Variants in CA8 observed in about 807,000 individuals in gnomAD.
CA8 encodes carbonic anhydrase 8 (inactive), also known as carbonic anhydrase-related protein.
Under a neutral mutation model 41.4 loss-of-function variants are expected in CA8, and 22 were observed. That is an observed-to-expected ratio of 0.53 (90% CI 0.38 to 0.76). The LOEUF (loss-of-function observed/expected upper bound fraction) is 0.76, where lower values mean the gene tolerates loss of function less well. Among genes scored for constraint, CA8 ranks in the 30% least tolerant of loss-of-function variants. The pLI, the probability that CA8 is intolerant of heterozygous loss-of-function variation, is 0.00. For missense variants in CA8, 270 were observed against 352.8 expected, an observed-to-expected ratio of 0.77 and a Z score of 1.88; for synonymous variants, 121 against 130.6, an observed-to-expected ratio of 0.93 and a Z score of 0.50.
At chr8:60,191,133 G>C (rs77690874) in intron 8 of CA8, among the ~76,000 whole-genome samples, 1,933 of 151,586 alleles carry the variant, frequency 0.013, 35 homozygotes, top group African/African-American at 0.044. Context: ...AAATATGATA[G>C]TCACAATAAA....
intron 3 of CA8, among the ~76,000 whole-genome samples, chr8:60,244,604 C>T (rs1011045003): frequency 1.3e-5 from 2 of 151,924 alleles, no homozygotes; most frequent in African/African-American, 2.4e-5. Context: ...TTCATTTGCC[C>T]GCGAAATACC....
intron 7 of CA8, among the ~76,000 whole-genome samples, chr8:60,220,510 T>C (rs1364939180): frequency 6.6e-6 from 1 of 152,142 alleles, no homozygotes; most frequent in Non-Finnish European, 1.5e-5. Context: ...TTGGCAGCAC[T>C]CGTCCACAGC....
chr8:60,281,039 G>A lies in CA8; in HGVS notation c.100+9C>T. 6.2e-7 allele frequency: 1 copy of A among 1,602,476 alleles called. No homozygotes were observed. Among genetic ancestry groups the A allele is most frequent in the Non-Finnish European group, 8.5e-7 (1 of 1,172,162 alleles). Reference sequence around the variant, plus strand: ...GGGACCCCGGACACCCCGACTCGCGGCCACTTACCTTCCTCGTAGCCCCAC... The same window carrying A: ...GGGACCCCGGACACCCCGACTCGCGACCACTTACCTTCCTCGTAGCCCCAC... On this transcript the variant is annotated intron_variant, in intron 1 of 8. Transcript: ENST00000317995.
intron 7 of CA8, among the ~76,000 whole-genome samples, chr8:60,221,609 G>A (rs931676738): frequency 6.6e-6 from 1 of 152,152 alleles, no homozygotes; most frequent in African/African-American, 2.4e-5. Flanking sequence ...AGAACAAATA[G>A]ATGAATGACT....
intron 7 of CA8, among the ~76,000 whole-genome samples, chr8:60,217,231 T>C (rs1807052500): frequency 6.6e-6 from 1 of 152,210 alleles, no homozygotes; most frequent in Non-Finnish European, 1.5e-5. Context: ...TTTAGGAAAT[T>C]ACCCTCGATA....
chr8:60,233,417 G>A (rs1381398361), intron 3 of CA8, among the ~76,000 whole-genome samples: 4 of 152,132 alleles, frequency 2.6e-5, no homozygotes, highest in East Asian at 1.9e-4. Flanking sequence ...ACCACTAGGG[G>A]GAGCTAATGA....
intron 8 of CA8, among the ~76,000 whole-genome samples, chr8:60,204,805 A>T (rs1806530466): frequency 6.6e-6 from 1 of 152,210 alleles, no homozygotes; most frequent in Non-Finnish European, 1.5e-5. Context: ...GACTGAAAAT[A>T]TGGCTTTGAG....
intron 7 of CA8, among the ~76,000 whole-genome samples, chr8:60,213,944 G>C (rs1230342931): frequency 6.6e-6 from 1 of 152,128 alleles, no homozygotes; most frequent in Non-Finnish European, 1.5e-5. Flanking sequence ...ATATGAAACA[G>C]TGGTTCTCAA....
intron 3 of CA8, chr8:60,265,139 G>A (rs936918785): frequency 2.0e-5 from 3 of 152,164 alleles, no homozygotes; most frequent in African/African-American, 4.8e-5. Context: ...TTTCACCAGT[G>A]TGAACTGTCT....
chr8:60,222,041 C>T (rs1037573140), intron 7 of CA8, among the ~76,000 whole-genome samples: 3 of 152,174 alleles, frequency 2.0e-5, no homozygotes, highest in Admixed American at 2.0e-4. Context: ...ATATTAAAAT[C>T]ATGGCTTAAA....
intron 3 of CA8, among the ~76,000 whole-genome samples, chr8:60,246,281 T>TGGG (rs34495632): frequency 1.3e-5 from 2 of 151,724 alleles, no homozygotes; most frequent in African/African-American, 4.8e-5. Context: ...AATGCATTTC[T>TGGG]GGGGGGGGTT....
At chr8:60,222,561 G>C (rs1807288748) in intron 7 of CA8, 88 bp downstream of exon 7, 1 of 832,368 alleles carries the variant, frequency 1.2e-6, no homozygotes, top group African/African-American at 1.7e-5. Context: ...TCTACAGGAA[G>C]CTAAAACACA....
chr8:60,190,944 A>AC (rs1806105094), intron 8 of CA8, among the ~76,000 whole-genome samples: 1 of 127,852 alleles, frequency 7.8e-6, no homozygotes, highest in African/African-American at 3.0e-5. Context: ...CACACTATAT[A>AC]TATATATATA....
chr8:60,220,355 G>A (rs1400467676), intron 7 of CA8, among the ~76,000 whole-genome samples: 1 of 152,102 alleles, frequency 6.6e-6, no homozygotes, highest in African/African-American at 2.4e-5. Flanking sequence ...CAAGCAGTGA[G>A]CATACCTAGC....
rs753863956 is a variant in CA8, at chr8:60,205,854, GAAC to G, written c.*35+2893_*35+2895del. ...TGAATTATTTTAAACATTTTTTAGA[GAAC>G]AACTACCAGAGAAATGTCTTTTCCT... On this transcript the variant is annotated intron_variant, in intron 8 of 8. Coordinates refer to ENST00000317995, the MANE Select transcript of CA8 (RefSeq NM_004056.6). 7.9e-5 allele frequency among the ~76,000 whole-genome samples: 12 copies of G among 152,068 alleles called. 1 individual carries two copies. In the East Asian group the frequency reaches 2.1e-3, roughly 27 times the overall value.
At chr8:60,274,139 C>T (rs1037159897) in intron 2 of CA8, among the ~76,000 whole-genome samples, 2 of 135,126 alleles carry the variant, frequency 1.5e-5, no homozygotes, top group East Asian at 2.1e-4. Flanking sequence ...CTAAAAAGAA[C>T]TGTGCTTCTT....
In CA8 at chr8:60,229,933, C is replaced by T. The variant is rs919441627; in HGVS notation, c.513+2351G>A. 2.0e-5 allele frequency among the ~76,000 whole-genome samples: 3 copies of T among 152,312 alleles called. No homozygotes were observed. In the South Asian group the frequency reaches 6.2e-4, roughly 32 times the overall value. ...CACGACTTACCAGAACTCTCTACTC[C>T]TTTACCCGGATAAAGAACAACCCAC... On this transcript the variant is annotated intron_variant, in intron 4 of 8. Transcript: ENST00000317995.
chr8:60,201,996 G>T (rs1806446111), intron 8 of CA8, among the ~76,000 whole-genome samples: 1 of 141,122 alleles, frequency 7.1e-6, no homozygotes, highest in Non-Finnish European at 1.5e-5. Flanking sequence ...TGGTTGTATA[G>T]TTTGATAGCT....
intron 3 of CA8, chr8:60,232,583 G>A: frequency 1.6e-6 from 1 of 624,550 alleles, no homozygotes; most frequent in South Asian, 1.8e-5. Flanking sequence ...GTGCTTAGTG[G>A]ATCACTGCCT....
Sources: allele counts gnomAD v4.1 joint callset (sites outside exome capture counted in the v4.1 genomes callset), GRCh38; gene constraint gnomAD v4.1.1; transcripts MANE v1.5; gene names NCBI Gene and HGNC (gene_info 2026-07-23, HGNC 2026-07-21).